Variants in FAAH2 observed in about 807,000 individuals in gnomAD.
The protein encoded by FAAH2 is fatty-acid amide hydrolase 2.
Under a neutral mutation model 36.9 loss-of-function variants are expected in FAAH2, and 60 were observed. That is an observed-to-expected ratio of 1.63 (90% CI 1.32 to 2.02). FAAH2 has a LOEUF of 2.02. Among genes scored for constraint, FAAH2 ranks in the 30% most tolerant of loss-of-function variants. The probability of loss-of-function intolerance (pLI) is 0.00; values close to 1 mark genes in which losing one functional copy is unlikely to be tolerated. For missense variants in FAAH2, 689 were observed against 397.5 expected (o/e 1.73, Z -6.23); for synonymous variants, 214 against 143.8 (o/e 1.49, Z -3.49).
chrX:57,424,683 A>G (rs1004888151), intron 7 of FAAH2, among the ~76,000 whole-genome samples: 16 of 112,051 alleles, frequency 1.4e-4, no homozygotes, highest in African/African-American at 5.2e-4. Context: ...AAGCCAAACA[A>G]CCCTACTCAA....
chrX:57,343,087 T>C (rs1282301905), intron 5 of FAAH2, among the ~76,000 whole-genome samples: 1 of 112,192 alleles, frequency 8.9e-6, no homozygotes, highest in Non-Finnish European at 1.9e-5. Flanking sequence ...GATAAACATA[T>C]GAGTTCATTT....
chrX:57,296,511 A>G (rs1273057965), intron 2 of FAAH2, among the ~76,000 whole-genome samples: 1 of 111,695 alleles, frequency 9.0e-6, no homozygotes, highest in Non-Finnish European at 1.9e-5. Context: ...AAAAAAACAG[A>G]GCGGAAAAAC....
intron 10 of FAAH2, among the ~76,000 whole-genome samples, chrX:57,451,935 A>G (rs1417128474): frequency 1.8e-5 from 2 of 112,747 alleles, no homozygotes; most frequent in South Asian, 3.6e-4. Flanking sequence ...TCCTGATAAC[A>G]TGCAATCAAC....
At chrX:57,203,979 C>A in the FAAH2 span, among the ~76,000 whole-genome samples, 1 of 111,447 alleles carries the variant, frequency 9.0e-6, no homozygotes, top group Non-Finnish European at 1.9e-5. Flanking sequence ...TTCCAGATAA[C>A]AGGAACTCTT....
At chrX:57,378,874 G>A (rs1017225950) in intron 6 of FAAH2, 88 bp downstream of exon 6, 1 of 1,050,043 alleles carries the variant, frequency 9.5e-7, no homozygotes, top group Non-Finnish European at 1.3e-6. Flanking sequence ...TAGACTTTCA[G>A]TCCTCAAGCA....
chrX:57,199,340 C>A, the FAAH2 span, among the ~76,000 whole-genome samples: 1 of 110,755 alleles, frequency 9.0e-6, no homozygotes, highest in African/African-American at 3.3e-5. Context: ...TTTTTAGTAA[C>A]CCACTGGTCA....
chrX:57,437,721 A>T (rs1299171645), intron 8 of FAAH2, among the ~76,000 whole-genome samples: 1 of 82,641 alleles, frequency 1.2e-5, no homozygotes, highest in African/African-American at 4.9e-5. Flanking sequence ...TAACATATTT[A>T]TATATTATAT....
At chrX:57,214,323 G>C in the FAAH2 span, among the ~76,000 whole-genome samples, 1 of 112,076 alleles carries the variant, frequency 8.9e-6, no homozygotes, top group African/African-American at 3.2e-5. Context: ...GTGTGGTTTT[G>C]TTCCATCATA....
At chrX:57,165,816 C>G in the FAAH2 span, among the ~76,000 whole-genome samples, 1 of 111,092 alleles carries the variant, frequency 9.0e-6, no homozygotes, top group African/African-American at 3.3e-5. Context: ...TGTGGGGTCC[C>G]TGGCAAGAAC....
At chrX:57,164,363 A>G in the FAAH2 span, among the ~76,000 whole-genome samples, 15 of 112,372 alleles carry the variant, frequency 1.3e-4, no homozygotes, top group African/African-American at 4.8e-4. Context: ...AGGACTCCAG[A>G]TTCCAGGTGG....
chrX:57,375,371 T>TG (rs751686826), intron 5 of FAAH2, among the ~76,000 whole-genome samples: 1 of 105,139 alleles, frequency 9.5e-6, no homozygotes, highest in Non-Finnish European at 2.0e-5. Context: ...TTTTTTTTTT[T>TG]GTAAATTTTT....
the FAAH2 span, among the ~76,000 whole-genome samples, chrX:57,241,324 C>T: frequency 9.0e-6 from 1 of 111,595 alleles, no homozygotes; most frequent in Non-Finnish European, 1.9e-5. Flanking sequence ...AAAGCAATTG[C>T]AACAAAAGCA....
intron 5 of FAAH2, among the ~76,000 whole-genome samples, chrX:57,372,234 A>T (rs1298267883): frequency 9.0e-6 from 1 of 111,700 alleles, no homozygotes; most frequent in African/African-American, 3.2e-5. Flanking sequence ...ACTGCCTTCC[A>T]AAGAACTGAA....
intron 5 of FAAH2, among the ~76,000 whole-genome samples, chrX:57,369,246 TCAAA>T (rs1175939060): frequency 1.8e-5 from 2 of 111,061 alleles, no homozygotes; most frequent in South Asian, 3.8e-4. Flanking sequence ...ACATCATTAA[TCAAA>T]CAAACTTCTG....
intron 7 of FAAH2, among the ~76,000 whole-genome samples, chrX:57,402,483 T>A (rs1167888683): frequency 9.0e-6 from 1 of 111,536 alleles, no homozygotes; most frequent in African/African-American, 3.3e-5. Flanking sequence ...AAAACTGAGG[T>A]TGCCAACTCC....
At chrX:57,468,428 G>A (rs2057092900) in intron 10 of FAAH2, among the ~76,000 whole-genome samples, 1 of 112,097 alleles carries the variant, frequency 8.9e-6, no homozygotes, top group South Asian at 3.7e-4. Flanking sequence ...GAAAACCATG[G>A]CATGAGAATG....
chrX:57,360,922 C>T (rs1268449891), intron 5 of FAAH2, among the ~76,000 whole-genome samples: 2 of 111,300 alleles, frequency 1.8e-5, no homozygotes, highest in Non-Finnish European at 3.8e-5. Flanking sequence ...TAAGAACATG[C>T]AGTGTTTGGT....
the FAAH2 span, among the ~76,000 whole-genome samples, chrX:57,123,968 A>G: frequency 9.0e-6 from 1 of 111,460 alleles, no homozygotes; most frequent in African/African-American, 3.3e-5. Context: ...GTTCACTCTG[A>G]TGGTAGTTTC....
At chrX:57,175,517 T>C in the FAAH2 span, among the ~76,000 whole-genome samples, 1 of 112,153 alleles carries the variant, frequency 8.9e-6, no homozygotes, top group Non-Finnish European at 1.9e-5. Context: ...ACTTCTTATC[T>C]ATTTTGCCAA....
Sources: gnomAD v4.1 joint callset for allele counts (sites outside exome capture counted in the v4.1 genomes callset) on GRCh38, gnomAD v4.1.1 for gene constraint, MANE v1.5 for transcripts, NCBI Gene and HGNC (gene_info 2026-07-23, HGNC 2026-07-21) for gene names.